Variants in ZNF428 observed in about 807,000 individuals in gnomAD.
ZNF428 encodes enzyme-like protein PIT13.
In ZNF428, 5 loss-of-function variants were observed where a neutral mutation model predicts 15.6. The ratio of observed to expected loss-of-function variants is 0.32; its 90% CI spans 0.17 to 0.67. The LOEUF (loss-of-function observed/expected upper bound fraction) is 0.67, where lower values mean the gene tolerates loss of function less well. ZNF428 is among the 30% of genes least tolerant of loss of function. The probability of loss-of-function intolerance (pLI) is 0.73; values close to 1 mark genes in which losing one functional copy is unlikely to be tolerated. For missense variants in ZNF428, 237 were observed against 256.0 expected, an observed-to-expected ratio of 0.93 and a Z score of 0.51; for synonymous variants, 97 against 102.2, an observed-to-expected ratio of 0.95 and a Z score of 0.31.
At chr19:43,610,781 C>A (rs1306838528) in intron 2 of ZNF428, among the ~76,000 whole-genome samples, 2 of 152,104 alleles carry the variant, frequency 1.3e-5, no homozygotes, top group Admixed American at 6.5e-5. Context: ...CAGTGGGAGG[C>A]CTTCCTCTTT....
chr19:43,617,818 G>T (rs1489816209), intron 1 of ZNF428, among the ~76,000 whole-genome samples: 1 of 152,152 alleles, frequency 6.6e-6, no homozygotes, highest in Non-Finnish European at 1.5e-5. Flanking sequence ...AAAGTGCTGG[G>T]ATTACAGGCA....
chr19:43,613,602 A>G lies in ZNF428; in HGVS notation c.76+627T>C. ...AGCCAACTTGGAAGCCCCAGCAAAG[A>G]GAGAGATCACAGACGATCTAGAAGC... On this transcript the variant is annotated intron_variant, in intron 2 of 2. Coordinates refer to ENST00000300811, the MANE Select transcript of ZNF428 (RefSeq NM_182498.4). 1.3e-6 allele frequency: 2 copies of G among 1,550,242 alleles called. No individual in the cohort carries two copies. The highest frequency in any genetic ancestry group is 2.0e-5 in the Admixed American group (1 of 50,980).
intron 2 of ZNF428, chr19:43,613,478 A>G (rs890176376): frequency 1.9e-6 from 3 of 1,544,994 alleles, no homozygotes; most frequent in African/African-American, 2.9e-5. Context: ...CAGCCGATCT[A>G]GAAGTCCCAA....
Position 43,612,555 on chromosome 19 carries a change from T to A in ZNF428, c.76+1674A>T. On this transcript the variant is annotated intron_variant, in intron 2 of 2. Coordinates refer to ENST00000300811, the MANE Select transcript of ZNF428 (RefSeq NM_182498.4). The surrounding 1 kb of genome is among the most constrained non-coding windows in gnomAD (Gnocchi z 4.2). ...AGCAGGGCCAGCACTCCTGGCAGGA[T>A]AAGAACTCATGGTGCCAGACCAGGC... The A allele has an allele frequency of 6.4e-7, 1 of 1,550,998 alleles. No homozygotes were observed. Among genetic ancestry groups the A allele is most frequent in the Non-Finnish European group, 8.7e-7 (1 of 1,146,830 alleles).
chr19:43,615,157 C>A (rs186345713), intron 1 of ZNF428, among the ~76,000 whole-genome samples: 1 of 152,100 alleles, frequency 6.6e-6, no homozygotes, highest in South Asian at 2.1e-4. Context: ...CACACTATCA[C>A]AACAATCATC....
In ZNF428 at chr19:43,614,436, T is replaced by C. The variant is rs1600088705; in HGVS notation, c.-130-2A>G. 1 of 1,449,978 alleles carries C rather than the reference T, an allele frequency of 6.9e-7. No homozygotes were observed. Among genetic ancestry groups the C allele is most frequent in the Non-Finnish European group, 9.0e-7 (1 of 1,105,478 alleles). The allele number at this position is 1,449,978 out of a possible 1,614,324, so 89.8% of individuals were successfully genotyped here. A position where few individuals can be genotyped will look rare whatever the true frequency, so the allele number is the denominator to read the frequency against. ...GATGTTGGCAGGTAGAGAGGGATGC[T>C]GGATAGGGGGAAAGGAAAGACCTGT... is the stretch of plus-strand genomic sequence containing the variant. On this transcript the variant is annotated splice_acceptor_variant, in intron 1 of 2. Transcript: ENST00000300811. LOFTEE classifies it low-confidence loss of function (5UTR_SPLICE).
rs35296355 is a variant in ZNF428 at position 43,607,416 on chromosome 19, T to TACAC, written c.*197_*200dup. On this transcript the variant is annotated 3_prime_UTR_variant, in exon 3 of 3. Transcript: ENST00000300811. This position sits in a 1 kb window ranked among gnomAD's most constrained non-coding sequence, Gnocchi z 5.1. ...ACACAAACACACACACGGGCGGGAA[T>TACAC]ACACACACACACACACACACTCTGA... The TACAC allele has an allele frequency of 1.3e-4, 68 of 531,366 alleles. No individual in the cohort carries two copies. The highest frequency in any genetic ancestry group is 1.0e-3 in the African/African-American group (51 of 50,242). The allele number at this position is 531,366 out of a possible 1,614,324, so 32.9% of individuals were successfully genotyped here.
In ZNF428 at chr19:43,612,923, A is replaced by T; in HGVS notation, c.76+1306T>A. 1 of 1,551,704 alleles carries T rather than the reference A, an allele frequency of 6.4e-7. No individual in the cohort carries two copies. Among genetic ancestry groups the T allele is most frequent in the Non-Finnish European group, 8.7e-7 (1 of 1,146,972 alleles). The stretch of plus-strand genomic sequence containing the variant: ...CACTGAAATGTCCAGCAGGGTCAAG[A>T]GTTATAACCAGGCCAGCACCCGCAG... On this transcript the variant is annotated intron_variant, in intron 2 of 2. Coordinates refer to ENST00000300811, the MANE Select transcript of ZNF428 (RefSeq NM_182498.4). This position sits in a 1 kb window ranked among gnomAD's most constrained non-coding sequence, Gnocchi z 4.2.
intron 1 of ZNF428, among the ~76,000 whole-genome samples, chr19:43,617,059 G>C (rs1174573135): frequency 6.6e-6 from 1 of 151,918 alleles, no homozygotes; most frequent in Admixed American, 6.6e-5. Flanking sequence ...GCCTCCCAGA[G>C]TGCTGGGATT....
At chr19:43,613,836 G>A (rs1384895204) in intron 2 of ZNF428, 1 of 1,541,418 alleles carries the variant, frequency 6.5e-7, no homozygotes, top group Non-Finnish European at 8.8e-7. Flanking sequence ...CGCAGACGAT[G>A]GAGAAGCCCC....
chr19:43,613,639 G>C (rs568803309), intron 2 of ZNF428: 2 of 1,548,380 alleles, frequency 1.3e-6, no homozygotes, highest in Admixed American at 2.0e-5. Context: ...CCAGCAAGGA[G>C]AGACAGTGCA....
At chr19:43,613,963 G>A (rs1973342979) in intron 2 of ZNF428, 1 of 1,551,570 alleles carries the variant, frequency 6.4e-7, no homozygotes, top group South Asian at 1.2e-5. Context: ...CCAGCAAGGA[G>A]AAAGCTCATA....
rs1244063737 is a variant in ZNF428 at position 43,615,525 on chromosome 19, T to C, written c.-130-1091A>G. On this transcript the variant is annotated intron_variant, in intron 1 of 2. Transcript: ENST00000300811. The stretch of plus-strand genomic sequence containing the variant: ...CACCAGCCTAGGCAACATGGCAAAC[T>C]TGTCTCTAAAAAAAAAAAAAAAATT... Among the ~76,000 whole-genome samples the C allele has an allele frequency of 2.6e-5, 4 of 151,400 alleles. No individual in the cohort carries two copies. In the East Asian group the frequency reaches 7.8e-4, roughly 30 times the overall value.
rs1426409726 is a variant in ZNF428, at chr19:43,616,410, TTC to T, written c.-130-1978_-130-1977del. On this transcript the variant is annotated intron_variant, in intron 1 of 2. Transcript: ENST00000300811. The stretch of plus-strand genomic sequence containing the variant: ...AACTTAACTTCTCTAGCCTGTTTCC[TTC>T]TCTGGAAGAAAGGGGCTTCCAGGCC... Among the ~76,000 whole-genome samples the T allele has an allele frequency of 3.9e-5, 6 of 152,224 alleles. No homozygotes were observed. The East Asian group carries it at 1.2e-3, about 29-fold the overall frequency.
intron 2 of ZNF428, among the ~76,000 whole-genome samples, chr19:43,610,635 A>C (rs1448313496): frequency 6.6e-6 from 1 of 152,130 alleles, no homozygotes; most frequent in Non-Finnish European, 1.5e-5. Context: ...TTGTGCAAAG[A>C]AAGTACTTAT....
At chr19:43,618,025 CTTTTTTTTT>C (rs35170127) in intron 1 of ZNF428, among the ~76,000 whole-genome samples, 1 of 55,328 alleles carries the variant, frequency 1.8e-5, no homozygotes, top group Non-Finnish European at 3.0e-5. Flanking sequence ...CCATGCCCGG[CTTTTTTTTT>C]TTTTTTTTTT....
intron 2 of ZNF428, 102 bp downstream of exon 2, chr19:43,614,127 G>A: frequency 1.2e-6 from 2 of 1,606,874 alleles, no homozygotes; most frequent in Non-Finnish European, 1.7e-6. Context: ...AGAACCCCTA[G>A]CAAGACAAGC....
intron 1 of ZNF428, among the ~76,000 whole-genome samples, chr19:43,618,670 A>G (rs1180513460): frequency 6.9e-6 from 1 of 145,618 alleles, no homozygotes; most frequent in Non-Finnish European, 1.5e-5. Context: ...TTAGCCTCCC[A>G]AAGTATTGGT....
At chr19:43,618,519 G>C (rs1973396587) in intron 1 of ZNF428, among the ~76,000 whole-genome samples, 1 of 150,640 alleles carries the variant, frequency 6.6e-6, no homozygotes, top group Non-Finnish European at 1.5e-5. Context: ...CCCTAGGAGA[G>C]CAGCTGGGAC....
Sources: gnomAD v4.1 joint callset for allele counts (sites outside exome capture counted in the v4.1 genomes callset) on GRCh38, gnomAD v4.1.1 for gene constraint, Gnocchi (gnomAD v3.1) non-coding constraint, MANE v1.5 for transcripts, NCBI Gene and HGNC (gene_info 2026-07-23, HGNC 2026-07-21) for gene names.